Variants in TENM2 observed in about 807,000 individuals in gnomAD.
TENM2 encodes the protein teneurin-2.
In TENM2, 52 loss-of-function variants were observed where a neutral mutation model predicts 245.2. The observed-to-expected ratio is 0.21, with a 90% CI of 0.17 to 0.27. TENM2 has a LOEUF of 0.27. TENM2 is among the 10% of genes least tolerant of loss of function. The pLI is 1.00. For synonymous variants in TENM2, 1,363 were observed against 1,438.9 expected, an observed-to-expected ratio of 0.95 and a Z score of 1.19; for missense variants, 3,046 against 3,666.8, an observed-to-expected ratio of 0.83 and a Z score of 4.37.
intron 23 of TENM2, among the ~76,000 whole-genome samples, chr5:168,220,191 A>C (rs901062515): frequency 6.6e-6 from 1 of 152,144 alleles, no homozygotes. Flanking sequence ...ATTAGGCTGA[A>C]GCTATACACT....
chr5:166,999,121 G>A, the TENM2 span, among the ~76,000 whole-genome samples: 18 of 151,944 alleles, frequency 1.2e-4, no homozygotes, highest in Non-Finnish European at 2.4e-4. Context: ...GAGATGGAAA[G>A]TACAATGTTA....
At chr5:167,806,095 C>T (rs922223068) in intron 2 of TENM2, among the ~76,000 whole-genome samples, 6 of 152,100 alleles carry the variant, frequency 3.9e-5, no homozygotes, top group South Asian at 2.1e-4. Context: ...CCGGATGCCA[C>T]GGTAGGCTGT....
chr5:168,233,340 C>CAGTT (rs1765118278), intron 25 of TENM2, among the ~76,000 whole-genome samples: 1 of 152,190 alleles, frequency 6.6e-6, no homozygotes, highest in African/African-American at 2.4e-5. Context: ...AAAAAAGAAG[C>CAGTT]AGTTACATCA....
chr5:167,472,338 T>TAA, intron 2 of TENM2, among the ~76,000 whole-genome samples: 1 of 152,340 alleles, frequency 6.6e-6, no homozygotes, highest in African/African-American at 2.4e-5. Flanking sequence ...GTGTTTTAAG[T>TAA]GTAAAGTAAA....
At chr5:167,881,925 G>T (rs967284516) in intron 3 of TENM2, among the ~76,000 whole-genome samples, 1 of 152,092 alleles carries the variant, frequency 6.6e-6, no homozygotes. Context: ...TTTAGTCCCT[G>T]CCACCTCCCA....
At chr5:167,791,545 TTATAA>T (rs1764977325) in intron 2 of TENM2, among the ~76,000 whole-genome samples, 1 of 74,324 alleles carries the variant, frequency 1.3e-5, no homozygotes, top group South Asian at 4.4e-4. Flanking sequence ...TTTTTATATA[TTATAA>T]TATATAAATA....
In TENM2 at chr5:168,183,382, C is replaced by CA. The variant is rs113892292; in HGVS notation, c.2570-6944dup. Reference sequence around the variant, plus strand: ...TGTTTATATAGCCAGGGGCCCAGCACAAAAAAAAAAATGCCCTTTGACTGG... The same window carrying CA: ...TGTTTATATAGCCAGGGGCCCAGCACAAAAAAAAAAAATGCCCTTTGACTGG... On this transcript the variant is annotated intron_variant, in intron 13 of 28. Coordinates refer to ENST00000518659, the Ensembl canonical transcript of TENM2. Among the ~76,000 whole-genome samples the CA allele has an allele frequency of 6.5e-3, 954 of 145,674 alleles. 12 individuals are homozygous for CA. The highest frequency in any genetic ancestry group is 0.022 in the Middle Eastern group (6 of 274).
At chr5:168,153,050 T>C (rs1350432147) in intron 12 of TENM2, among the ~76,000 whole-genome samples, 5 of 152,220 alleles carry the variant, frequency 3.3e-5, no homozygotes, top group African/African-American at 1.2e-4. Context: ...GTTTTTAATG[T>C]ATTCATTCAA....
chr5:167,897,604 AATTACC>A (rs1481867212), intron 3 of TENM2, among the ~76,000 whole-genome samples: 1 of 152,206 alleles, frequency 6.6e-6, no homozygotes, highest in East Asian at 1.9e-4. Context: ...GCCAGGTCAC[AATTACC>A]TTTAAAATCT....
At chr5:167,479,024 ATG>A (rs1396143784) in intron 2 of TENM2, among the ~76,000 whole-genome samples, 1 of 151,736 alleles carries the variant, frequency 6.6e-6, no homozygotes, top group Admixed American at 6.6e-5. Flanking sequence ...ACATGTGTTT[ATG>A]TGTGTGTGTA....
chr5:167,501,366 C>T (rs1257821706), intron 2 of TENM2, among the ~76,000 whole-genome samples: 1 of 152,064 alleles, frequency 6.6e-6, no homozygotes. Context: ...TGTCCTTCAC[C>T]TTTATATCTT....
At chr5:167,196,486 G>GTA in the TENM2 span, among the ~76,000 whole-genome samples, 36 of 144,212 alleles carry the variant, frequency 2.5e-4, no homozygotes, top group Admixed American at 1.2e-3. Context: ...ATATATGTGT[G>GTA]TATATATATA....
At chr5:167,690,554 C>T (rs760981984) in intron 2 of TENM2, among the ~76,000 whole-genome samples, 2 of 152,106 alleles carry the variant, frequency 1.3e-5, no homozygotes, top group Non-Finnish European at 2.9e-5. Context: ...CCATTTTTTG[C>T]GACTAAATAC....
chr5:167,001,932 T>C, the TENM2 span, among the ~76,000 whole-genome samples: 3 of 152,166 alleles, frequency 2.0e-5, no homozygotes, highest in Non-Finnish European at 2.9e-5. Context: ...GAGTCACTTA[T>C]GGAAAGAGTT....
intron 5 of TENM2, among the ~76,000 whole-genome samples, chr5:168,018,632 A>G (rs1785871904): frequency 6.6e-6 from 1 of 152,142 alleles, no homozygotes; most frequent in Non-Finnish European, 1.5e-5. Flanking sequence ...GAGAGGGTAA[A>G]TGAATTCAGA....
chr5:167,869,806 CT>C (rs1195754531), intron 2 of TENM2, among the ~76,000 whole-genome samples: 1 of 151,908 alleles, frequency 6.6e-6, no homozygotes, highest in Non-Finnish European at 1.5e-5. Context: ...GCAAAATATT[CT>C]TATGGTCTTA....
chr5:167,070,579 ATAATC>A, the TENM2 span, among the ~76,000 whole-genome samples: 1 of 152,126 alleles, frequency 6.6e-6, no homozygotes, highest in Non-Finnish European at 1.5e-5. Context: ...TGTTAAGTGA[ATAATC>A]TATATAATCT....
intron 9 of TENM2, among the ~76,000 whole-genome samples, chr5:168,113,842 A>G (rs1193338196): frequency 1.3e-5 from 2 of 152,230 alleles, no homozygotes; most frequent in African/African-American, 2.4e-5. Context: ...AATTTTACAT[A>G]GAAGCTTGAA....
chr5:167,705,053 A>G (rs547820991), intron 2 of TENM2, among the ~76,000 whole-genome samples: 4 of 152,314 alleles, frequency 2.6e-5, no homozygotes, highest in Non-Finnish European at 5.9e-5. Context: ...TTGAGTTTGC[A>G]GGAATAACTG....
Sources: allele counts gnomAD v4.1 joint callset (sites outside exome capture counted in the v4.1 genomes callset), GRCh38; gene constraint gnomAD v4.1.1; transcripts MANE v1.5; gene names NCBI Gene and HGNC (gene_info 2026-07-23, HGNC 2026-07-21).